GPR176: variants seen among roughly 807,000 people sequenced by gnomAD.
GPR176 encodes the protein G-protein coupled receptor 176.
In GPR176, 26 loss-of-function variants were observed where a neutral mutation model predicts 35.4. The ratio of observed to expected loss-of-function variants is 0.74; its 90% CI spans 0.54 to 1.02. The LOEUF is 1.02. Among genes scored for constraint, GPR176 ranks in the 50% least tolerant of loss-of-function variants. The pLI is 0.00. For synonymous variants in GPR176, 278 were observed against 271.3 expected (o/e 1.02, Z -0.24); for missense variants, 597 against 665.3 (o/e 0.90, Z 1.13).
intron 1 of GPR176, among the ~76,000 whole-genome samples, chr15:39,824,045 C>T (rs1405001873): frequency 6.6e-6 from 1 of 152,128 alleles, no homozygotes; most frequent in Non-Finnish European, 1.5e-5. Context: ...ATGAATGGCC[C>T]GGTGCCATCC....
At chr15:39,847,326 A>C (rs2030502315) in intron 1 of GPR176, among the ~76,000 whole-genome samples, 1 of 152,210 alleles carries the variant, frequency 6.6e-6, no homozygotes, top group South Asian at 2.1e-4. Flanking sequence ...TAAAAGAAAG[A>C]GATTAACAGA....
chr15:39,877,695 G>A (rs2032305676), intron 1 of GPR176, among the ~76,000 whole-genome samples: 1 of 151,972 alleles, frequency 6.6e-6, no homozygotes, highest in Non-Finnish European at 1.5e-5. Flanking sequence ...CAAGTAGCTA[G>A]GACTACAGGC....
chr15:39,833,452 C>G (rs1401454207), intron 1 of GPR176, among the ~76,000 whole-genome samples: 2 of 152,062 alleles, frequency 1.3e-5, no homozygotes, highest in Non-Finnish European at 2.9e-5. Flanking sequence ...ATAGACAAAT[C>G]CTTAGAAACA....
chr15:39,841,360 A>C lies in GPR176; in HGVS notation c.173-34102T>G, dbSNP rs531662258. On this transcript the variant is annotated intron_variant, in intron 1 of 2. Coordinates refer to ENST00000561100, the MANE Select transcript of GPR176 (RefSeq NM_007223.3). ...CCCCAAAAAATACATTGAAGTCCTC[A>C]GTATCTCAGAATGTGGCTTGGAAAT... 6.0e-5 allele frequency among the ~76,000 whole-genome samples: 8 copies of C among 132,538 alleles called. No homozygotes were observed. In the South Asian group the frequency reaches 6.8e-4, roughly 11 times the overall value. The allele number at this position is 132,538 out of a possible 152,430, so 87.0% of individuals were successfully genotyped here. A position where few individuals can be genotyped will look rare whatever the true frequency, so the allele number is the denominator to read the frequency against.
At chr15:39,908,981 A>T (rs1314901983) in intron 1 of GPR176, among the ~76,000 whole-genome samples, 3 of 152,170 alleles carry the variant, frequency 2.0e-5, no homozygotes, top group Non-Finnish European at 2.9e-5. Flanking sequence ...GTCATATTTT[A>T]AAAAACCACA....
At position 39,807,214 on chromosome 15, in the gene GPR176, T is replaced by C; in HGVS notation, c.217A>G (p.Lys73Glu). ...LWSTCRTTVF[K>E]SVTNRFIKNL... is the part of the protein sequence containing the mutation. ...TTAATGAACCTGTTGGTGACAGATTTGAACACGGTTGTGCGGCAAGTTGAC... is the reference window on the plus strand; with the variant it reads ...TTAATGAACCTGTTGGTGACAGATTCGAACACGGTTGTGCGGCAAGTTGAC... Residue 73 changes from lysine to glutamate, a missense_variant, in exon 2 of 3, where the codon AAA becomes GAA. Transcript: ENST00000561100. 1 of 1,611,792 alleles carries C rather than the reference T, an allele frequency of 6.2e-7. No homozygotes were observed.
intron 1 of GPR176, among the ~76,000 whole-genome samples, chr15:39,864,466 G>A (rs2031742682): frequency 2.5e-5 from 2 of 80,522 alleles, no homozygotes. Flanking sequence ...CTGGACCCCT[G>A]TTTCTCACCA....
chr15:39,856,358 T>C (rs1374928889), intron 1 of GPR176, among the ~76,000 whole-genome samples: 1 of 152,254 alleles, frequency 6.6e-6, no homozygotes, highest in Non-Finnish European at 1.5e-5. Flanking sequence ...ATATTAGTTA[T>C]CTACTGCTGC....
chr15:39,844,591 G>GA (rs953744089), intron 1 of GPR176, among the ~76,000 whole-genome samples: 68 of 143,948 alleles, frequency 4.7e-4, no homozygotes, highest in African/African-American at 9.6e-4. Flanking sequence ...ACCGCCTACT[G>GA]AAAAAAAAAA....
At chr15:39,872,911 C>CTGTGTGTGTGTGTG (rs6145533) in intron 1 of GPR176, among the ~76,000 whole-genome samples, 2 of 141,392 alleles carry the variant, frequency 1.4e-5, no homozygotes, top group Non-Finnish European at 3.1e-5. Context: ...TCCAAAATAT[C>CTGTGTGTGTGTGTG]TGTGTGTGTG....
At chr15:39,877,417 T>C (rs149725037) in intron 1 of GPR176, among the ~76,000 whole-genome samples, 1 of 152,240 alleles carries the variant, frequency 6.6e-6, no homozygotes, top group Non-Finnish European at 1.5e-5. Flanking sequence ...AGATGTTCCA[T>C]CAAATGTGAG....
At chr15:39,815,455 C>T (rs1014270079) in intron 1 of GPR176, 3 of 152,192 alleles carry the variant, frequency 2.0e-5, no homozygotes, top group Non-Finnish European at 2.9e-5. Context: ...CTTCTTCAGG[C>T]CTGTAGAGAC....
chr15:39,861,014 C>G (rs1175605780), intron 1 of GPR176: 1 of 151,998 alleles, frequency 6.6e-6, no homozygotes, highest in Non-Finnish European at 1.5e-5. Context: ...CTGTTCATAC[C>G]AACTATAAAT....
intron 1 of GPR176, among the ~76,000 whole-genome samples, chr15:39,912,655 C>G (rs1016579978): frequency 6.6e-6 from 1 of 150,936 alleles, no homozygotes; most frequent in African/African-American, 2.4e-5. Context: ...GAAAAAACAA[C>G]CTTTCACAAC....
At chr15:39,881,706 C>A (rs1324359862) in intron 1 of GPR176, among the ~76,000 whole-genome samples, 1 of 152,162 alleles carries the variant, frequency 6.6e-6, no homozygotes, top group East Asian at 1.9e-4. Context: ...ATCCCCAGCT[C>A]ACACAAATGA....
intron 1 of GPR176, among the ~76,000 whole-genome samples, chr15:39,864,557 G>A (rs2031746890): frequency 6.6e-6 from 1 of 152,070 alleles, no homozygotes; most frequent in African/African-American, 2.4e-5. Context: ...GAAAACCTAG[G>A]AAATGGGAAC....
At chr15:39,824,855 T>C (rs772240669) in intron 1 of GPR176, among the ~76,000 whole-genome samples, 8 of 152,202 alleles carry the variant, frequency 5.3e-5, no homozygotes, top group Non-Finnish European at 7.3e-5. Flanking sequence ...TTTTTCACAA[T>C]GAAAACAGTT....
chr15:39,892,529 C>T (rs757450359), intron 1 of GPR176, among the ~76,000 whole-genome samples: 3 of 152,194 alleles, frequency 2.0e-5, no homozygotes, highest in African/African-American at 4.8e-5. Context: ...TGGCCAGCTG[C>T]GAATACGACC....
At chr15:39,904,447 C>T (rs947544220) in intron 1 of GPR176, among the ~76,000 whole-genome samples, 1 of 152,140 alleles carries the variant, frequency 6.6e-6, no homozygotes, top group African/African-American at 2.4e-5. Flanking sequence ...AGGTATAAGA[C>T]TCAAACCTTC....
Sources: gnomAD v4.1 joint callset for allele counts (sites outside exome capture counted in the v4.1 genomes callset) on GRCh38, gnomAD v4.1.1 for gene constraint, MANE v1.5 for transcripts, NCBI Gene and HGNC (gene_info 2026-07-23, HGNC 2026-07-21) for gene names.